Variants in CFAP299 observed in about 807,000 individuals in gnomAD.
The protein encoded by CFAP299 is cilia- and flagella-associated protein 299.
Under a neutral mutation model 27.0 loss-of-function variants are expected in CFAP299, and 21 were observed. That is an observed-to-expected ratio of 0.78 (90% CI 0.55 to 1.12). The LOEUF is 1.12. Ranked by LOEUF, CFAP299 falls within the 50% of genes most tolerant of loss-of-function variation. CFAP299 has a pLI of 0.00. For synonymous variants in CFAP299, 104 were observed against 98.1 expected, an observed-to-expected ratio of 1.06 and a Z score of -0.36; for missense variants, 310 against 276.6, an observed-to-expected ratio of 1.12 and a Z score of -0.86.
intron 4 of CFAP299, among the ~76,000 whole-genome samples, chr4:80,895,885 G>A (rs78151515): frequency 0.03 from 4,568 of 152,066 alleles, 184 homozygotes; most frequent in African/African-American, 0.091. Flanking sequence ...AAACTCACTC[G>A]GATGAATGAG....
chr4:80,546,798 C>T (rs1246009922), intron 2 of CFAP299, among the ~76,000 whole-genome samples: 2 of 152,146 alleles, frequency 1.3e-5, no homozygotes, highest in Admixed American at 1.3e-4. Context: ...AGAAGCTGAA[C>T]AGATGACAGC....
At chr4:80,755,061 CTGAGGTTT>C (rs1469897851) in intron 3 of CFAP299, among the ~76,000 whole-genome samples, 1 of 152,046 alleles carries the variant, frequency 6.6e-6, no homozygotes, top group Non-Finnish European at 1.5e-5. Flanking sequence ...AAAGTTCAGT[CTGAGGTTT>C]TTCTAGGTGA....
At chr4:80,398,351 T>C (rs1725935817) in intron 2 of CFAP299, among the ~76,000 whole-genome samples, 1 of 152,146 alleles carries the variant, frequency 6.6e-6, no homozygotes, top group South Asian at 2.1e-4. Context: ...AAAGTTCATA[T>C]GGAACCAAAA....
chr4:80,696,420 C>T (rs1048032525), intron 3 of CFAP299, among the ~76,000 whole-genome samples: 3 of 151,900 alleles, frequency 2.0e-5, no homozygotes, highest in African/African-American at 7.3e-5. Context: ...TAATTATAGT[C>T]TTTCTGCAGC....
chr4:80,913,514 GGA>G (rs372354727), intron 4 of CFAP299, among the ~76,000 whole-genome samples: 74 of 152,272 alleles, frequency 4.9e-4, no homozygotes, highest in Non-Finnish European at 8.4e-4. Flanking sequence ...GAGTGTTTGA[GGA>G]GAGAGAGGCA....
intron 3 of CFAP299, among the ~76,000 whole-genome samples, chr4:80,799,820 T>C (rs1287746446): frequency 2.7e-5 from 1 of 36,514 alleles, no homozygotes; most frequent in East Asian, 1.5e-3. Context: ...AATATATATA[T>C]TATATATATT....
intron 3 of CFAP299, among the ~76,000 whole-genome samples, chr4:80,804,723 A>G (rs932257892): frequency 6.6e-6 from 1 of 152,110 alleles, no homozygotes; most frequent in Non-Finnish European, 1.5e-5. Context: ...TTTGAATTAA[A>G]TGTCTCTTTC....
chr4:80,391,404 C>T (rs11930816), intron 2 of CFAP299, among the ~76,000 whole-genome samples: 1 of 151,878 alleles, frequency 6.6e-6, no homozygotes, highest in Non-Finnish European at 1.5e-5. Flanking sequence ...TTTTGATAAT[C>T]GCCATTCTAA....
chr4:80,869,020 T>C lies in CFAP299; in HGVS notation c.334-973T>C, dbSNP rs545156894. ...GATGTCCAGCACCTTTAGGAATGAA[T>C]ATGAAATTATGAAATATTGAGAATT... On this transcript the variant is annotated intron_variant, in intron 3 of 5. Transcript: ENST00000358105. Among the ~76,000 whole-genome samples, 6 of 151,870 alleles carry C rather than the reference T, an allele frequency of 4.0e-5. 1 individual carries two copies. The highest frequency in any genetic ancestry group is 1.4e-4 in the African/African-American group (6 of 41,382).
chr4:80,893,527 C>T (rs534169640), intron 4 of CFAP299, among the ~76,000 whole-genome samples: 8 of 151,664 alleles, frequency 5.3e-5, no homozygotes, highest in Non-Finnish European at 1.0e-4. Context: ...GACATATAGA[C>T]CAATGGAACA....
At chr4:80,373,325 G>A (rs558664266) in intron 2 of CFAP299, among the ~76,000 whole-genome samples, 1 of 152,200 alleles carries the variant, frequency 6.6e-6, no homozygotes, top group African/African-American at 2.4e-5. Context: ...TCCATTAACT[G>A]TGTGGGTATT....
intron 2 of CFAP299, among the ~76,000 whole-genome samples, chr4:80,504,280 T>C (rs1254015986): frequency 6.6e-6 from 1 of 151,478 alleles, no homozygotes; most frequent in African/African-American, 2.4e-5. Flanking sequence ...CAGGAAAGGC[T>C]GAGAGGTGCT....
chr4:80,911,970 G>C (rs919272224), intron 4 of CFAP299, among the ~76,000 whole-genome samples: 5 of 151,712 alleles, frequency 3.3e-5, no homozygotes, highest in Admixed American at 6.6e-5. Flanking sequence ...TATATGTACT[G>C]TATTCTACTT....
chr4:80,838,882 G>C (rs1374822879), intron 3 of CFAP299, among the ~76,000 whole-genome samples: 1 of 152,094 alleles, frequency 6.6e-6, no homozygotes, highest in Non-Finnish European at 1.5e-5. Context: ...TGCTGATTTT[G>C]TTGATATGTG....
chr4:80,823,086 G>A (rs1056485340), intron 3 of CFAP299, among the ~76,000 whole-genome samples: 1 of 152,178 alleles, frequency 6.6e-6, no homozygotes. Context: ...AAAAAAGCCA[G>A]TTTGTCTTAA....
At chr4:80,873,882 T>C (rs1036240872) in intron 4 of CFAP299, among the ~76,000 whole-genome samples, 1 of 152,216 alleles carries the variant, frequency 6.6e-6, no homozygotes, top group Non-Finnish European at 1.5e-5. Flanking sequence ...TGTTTCTTTT[T>C]AGAGCTTCCA....
chr4:80,322,555 AGGG>A, the CFAP299 span, among the ~76,000 whole-genome samples: 1 of 152,142 alleles, frequency 6.6e-6, no homozygotes, highest in African/African-American at 2.4e-5. Flanking sequence ...AGCAGAGTCA[AGGG>A]GATATAAACA....
chr4:80,474,962 A>G (rs1465526613), intron 2 of CFAP299, among the ~76,000 whole-genome samples: 1 of 152,182 alleles, frequency 6.6e-6, no homozygotes, highest in Non-Finnish European at 1.5e-5. Flanking sequence ...GGTGAAGGAC[A>G]TTATTTTATA....
intron 2 of CFAP299, among the ~76,000 whole-genome samples, chr4:80,452,176 G>A (rs116225363): frequency 2.0e-5 from 3 of 151,938 alleles, no homozygotes; most frequent in Non-Finnish European, 4.4e-5. Flanking sequence ...GTCATATTTG[G>A]TGTATATAGT....
Sources: allele counts gnomAD v4.1 joint callset (sites outside exome capture counted in the v4.1 genomes callset), GRCh38; gene constraint gnomAD v4.1.1; transcripts MANE v1.5; gene names NCBI Gene and HGNC (gene_info 2026-07-23, HGNC 2026-07-21).